DDX50: variants seen among roughly 807,000 people sequenced by gnomAD.
DDX50 encodes ATP-dependent RNA helicase DDX50.
DDX50 carries 56 observed loss-of-function variants against 94.8 expected under a neutral mutation model. The observed-to-expected ratio is 0.59, with a 90% CI of 0.48 to 0.74. The LOEUF (loss-of-function observed/expected upper bound fraction) is 0.74, where lower values mean the gene tolerates loss of function less well. DDX50 is among the 30% of genes least tolerant of loss of function. DDX50 has a pLI of 0.00. For synonymous variants in DDX50, 264 were observed against 295.4 expected (o/e 0.89, Z 1.09); for missense variants, 713 against 881.2 (o/e 0.81, Z 2.42).
At chr10:68,914,335 C>A in intron 7 of DDX50, 131 bp downstream of exon 7, 1 of 992,696 alleles carries the variant, frequency 1.0e-6, no homozygotes, top group Non-Finnish European at 1.5e-6. Context: ...AGTAAGACAC[C>A]TATATATTTT....
At chr10:68,935,055 G>T in intron 10 of DDX50, 137 bp downstream of exon 10, 2 of 1,085,848 alleles carry the variant, frequency 1.8e-6, no homozygotes, top group Admixed American at 3.1e-5. Context: ...AGCCTGTGGA[G>T]ATCTAAATTT....
chr10:68,935,414 C>G (rs1435241621), intron 10 of DDX50, among the ~76,000 whole-genome samples: 1 of 150,182 alleles, frequency 6.7e-6, no homozygotes, highest in Non-Finnish European at 1.5e-5. Flanking sequence ...ATTTAAACAT[C>G]TGTTTTGTTT....
chr10:68,942,249 AT>A (rs1338118104), intron 13 of DDX50, among the ~76,000 whole-genome samples: 1 of 149,090 alleles, frequency 6.7e-6, no homozygotes, highest in African/African-American at 2.4e-5. Flanking sequence ...ATATAGCAAA[AT>A]TAAAACTGTA....
Position 68,917,305 on chromosome 10 carries a change from C to G in DDX50, c.1090-2527C>G, listed in dbSNP as rs532986846. On this transcript the variant is annotated intron_variant, in intron 7 of 14. Transcript: ENST00000373585. ...TGAAACCCTGTCTCTACTAAAAATA[C>G]AAAAATTAGCAAGGCATGGTGGCAC... 1.1e-3 allele frequency among the ~76,000 whole-genome samples: 173 copies of G among 151,908 alleles called. 1 individual carries two copies. The highest frequency in any genetic ancestry group is 4.1e-3 in the African/African-American group (169 of 41,460).
intron 6 of DDX50, 137 bp from the exon 7 acceptor site, chr10:68,913,922 C>A: frequency 1.2e-6 from 1 of 842,870 alleles, no homozygotes; most frequent in Non-Finnish European, 1.7e-6. Flanking sequence ...TTAATAATTG[C>A]AATGAAGTCT....
intron 8 of DDX50, among the ~76,000 whole-genome samples, chr10:68,923,501 C>A (rs576956441): frequency 3.8e-4 from 57 of 151,696 alleles, no homozygotes; most frequent in African/African-American, 1.3e-3. Context: ...CCACTGTGCC[C>A]AGCCAATATA....
In DDX50 at chr10:68,946,703, T is replaced by C; in HGVS notation, c.*73T>C. 1 of 1,531,412 alleles carries C rather than the reference T, an allele frequency of 6.5e-7. No homozygotes were observed. The highest frequency in any genetic ancestry group is 1.2e-5 in the South Asian group (1 of 80,230). The allele number at this position is 1,531,412 out of a possible 1,614,324, so 94.9% of individuals were successfully genotyped here. ...ATCATGTACATTATCCACCAAAAAT[T>C]AGGTCATCATAGTTGAGGTATGTGT... On this transcript the variant is annotated 3_prime_UTR_variant, in exon 15 of 15. Coordinates refer to ENST00000373585, the MANE Select transcript of DDX50 (RefSeq NM_024045.2).
At position 68,927,829 on chromosome 10, in the gene DDX50, G is replaced by A. The variant is rs146340611; in HGVS notation, c.1240-6370G>A. Among the ~76,000 whole-genome samples, 466 of 152,172 alleles carry A rather than the reference G, an allele frequency of 3.1e-3. 3 individuals carry two copies. The highest frequency in any genetic ancestry group is 0.011 in the African/African-American group (441 of 41,530). On this transcript the variant is annotated intron_variant, in intron 8 of 14. Transcript: ENST00000373585. ...ATGCATGAATTAAACATCTTAAAAT[G>A]TATTATGGAAATTGTATAAGCTTCC...
intron 11 of DDX50, among the ~76,000 whole-genome samples, chr10:68,936,363 C>T (rs1051889809): frequency 6.6e-6 from 1 of 150,548 alleles, no homozygotes; most frequent in African/African-American, 2.4e-5. Context: ...GTGGTGGGCG[C>T]CTGTAGTCCC....
At chr10:68,915,016 G>A (rs1174594769) in intron 7 of DDX50, among the ~76,000 whole-genome samples, 6 of 92,762 alleles carry the variant, frequency 6.5e-5, no homozygotes, top group African/African-American at 7.4e-5. Context: ...GGGAGACCCT[G>A]TCTCAAAAAA....
chr10:68,919,972 C>T lies in DDX50; in HGVS notation c.1230C>T (p.His410=). 1 of 1,613,494 alleles carries T rather than the reference C, an allele frequency of 6.2e-7. No individual in the cohort carries two copies. Among genetic ancestry groups the T allele is most frequent in the Non-Finnish European group, 8.5e-7 (1 of 1,179,900 alleles). Residue 410 remains histidine (H), a synonymous_variant, in exon 8 of 15, where the codon CAC becomes CAT. Coordinates refer to ENST00000373585, the MANE Select transcript of DDX50 (RefSeq NM_024045.2). ...TAACTGAAATGGCCATGAATCCACACATAAAACAGGTAAGTCTTTTTTTCA... is the reference window on the plus strand; with the variant it reads ...TAACTGAAATGGCCATGAATCCACATATAAAACAGGTAAGTCTTTTTTTCA... ...KNVTEMAMNP[H]IKQNAQCLHG...
In DDX50 at chr10:68,919,684, A is replaced by C; in HGVS notation, c.1090-148A>C. On this transcript the variant is annotated intron_variant, in intron 7 of 14. Transcript: ENST00000373585. ...TCAGTTTATTGATGACCATTTGTCT[A>C]TATTGTTTTTAAGTGCTGTTGAGGA... 2 of 847,506 alleles carry C rather than the reference A, an allele frequency of 2.4e-6. 1 individual carries two copies. Among genetic ancestry groups the C allele is most frequent in the South Asian group, 3.7e-5 (2 of 53,620 alleles). The allele number at this position is 847,506 out of a possible 1,614,324, so 52.5% of individuals were successfully genotyped here. A position where few individuals can be genotyped will look rare whatever the true frequency, so the allele number is the denominator to read the frequency against.
intron 2 of DDX50, 148 bp downstream of exon 2, chr10:68,907,155 C>CCTG: frequency 2.5e-6 from 2 of 784,696 alleles, no homozygotes; most frequent in Admixed American, 3.4e-5. Flanking sequence ...CAGGTGAAGC[C>CCTG]TGAGCCTTTT....
intron 8 of DDX50, among the ~76,000 whole-genome samples, chr10:68,929,295 C>CCTT (rs1564612578): frequency 0.1 from 5,861 of 58,146 alleles, 166 homozygotes; most frequent in African/African-American, 0.19. Flanking sequence ...CTTCCTTCCT[C>CCTT]TCTCTCTCTC....
Position 68,906,732 on chromosome 10 carries a change from C to T in DDX50, c.109C>T (p.His37Tyr), listed in dbSNP as rs1246935200. 5.0e-6 allele frequency: 8 copies of T among 1,610,434 alleles called. No homozygotes were observed. The Admixed American group carries it at 6.8e-5, about 14-fold the overall frequency. ...ACAGAGTGACAGAAGGAAGTCAAGG[C>T]ACCATTATGACTCGGATGAGAAATC... is the stretch of plus-strand genomic sequence containing the variant. Reference protein sequence around the residue: ...RQKSDRRKSRHHYDSDEKSET... With the variant: ...RQKSDRRKSRYHYDSDEKSET... Residue 37 changes from histidine to tyrosine, a missense_variant, in exon 2 of 15, where the codon CAC becomes TAC. Physicochemically the swap from His to Tyr is moderately conservative, Grantham distance 83. Around this residue, in one of 2 missense-constraint regions of DDX50, gnomAD observed 285 missense variants for 278.9 expected, o/e 1.02. Coordinates refer to ENST00000373585, the MANE Select transcript of DDX50 (RefSeq NM_024045.2).
chr10:68,943,303 A>C, intron 14 of DDX50, 46 bp downstream of exon 14: 1 of 1,476,590 alleles, frequency 6.8e-7, no homozygotes, highest in Non-Finnish European at 9.3e-7. Context: ...ACATTCTCTA[A>C]CATTTAGATT....
chr10:68,916,235 T>G (rs898691880), intron 7 of DDX50, among the ~76,000 whole-genome samples: 2 of 151,058 alleles, frequency 1.3e-5, no homozygotes, highest in African/African-American at 2.4e-5. Flanking sequence ...ACGCCTGTAG[T>G]CCCAACTACT....
At position 68,936,488 on chromosome 10, in the gene DDX50, C is replaced by CAA. The variant is rs1212336346; in HGVS notation, c.1596-421_1596-420dup. ...TGGGCGACAGAGCAAGACTCTGTCT[C>CAA]AAAAAAAAAAAAAAAAAAAAAAAAA... On this transcript the variant is annotated intron_variant, in intron 11 of 14. Transcript: ENST00000373585. Among the ~76,000 whole-genome samples, 42 of 26,828 alleles carry CAA rather than the reference C, an allele frequency of 1.6e-3. 5 individuals are homozygous for CAA. The highest frequency in any genetic ancestry group is 2.3e-3 in the Non-Finnish European group (33 of 14,564). The allele number at this position is 26,828 out of a possible 152,430, so 17.6% of individuals were successfully genotyped here. A position where few individuals can be genotyped will look rare whatever the true frequency, so the allele number is the denominator to read the frequency against.
intron 1 of DDX50, among the ~76,000 whole-genome samples, chr10:68,906,006 C>T (rs1439669383): frequency 6.6e-6 from 1 of 152,164 alleles, no homozygotes; most frequent in Non-Finnish European, 1.5e-5. Flanking sequence ...TTTTGGAATT[C>T]AGAATTCTGG....
Sources: allele counts gnomAD v4.1 joint callset (sites outside exome capture counted in the v4.1 genomes callset), GRCh38; gene constraint gnomAD v4.1.1; regional missense constraint gnomAD v4.1.1; transcripts MANE v1.5; gene names NCBI Gene and HGNC (gene_info 2026-07-23, HGNC 2026-07-21).